IL1RAPL1: variants seen among roughly 807,000 people sequenced by gnomAD.
The protein encoded by IL1RAPL1 is interleukin 1 receptor accessory protein like 1.
IL1RAPL1 carries 3 observed loss-of-function variants against 48.4 expected under a neutral mutation model. That is an observed-to-expected ratio of 0.06 (90% CI 0.03 to 0.16). IL1RAPL1 has a LOEUF of 0.16. IL1RAPL1 is among the 10% of genes least tolerant of loss of function. The probability of loss-of-function intolerance (pLI) is 1.00; values close to 1 mark genes in which losing one functional copy is unlikely to be tolerated. For synonymous variants in IL1RAPL1, 185 were observed against 187.7 expected, an observed-to-expected ratio of 0.99 and a Z score of 0.12; for missense variants, 349 against 530.6, an observed-to-expected ratio of 0.66 and a Z score of 3.36.
At chrX:28,815,566 A>G (rs1453650811) in intron 2 of IL1RAPL1, among the ~76,000 whole-genome samples, 1 of 106,677 alleles carries the variant, frequency 9.4e-6, no homozygotes, top group Non-Finnish European at 1.9e-5. Flanking sequence ...TCTTCTATTT[A>G]TCTGTGTATT....
chrX:28,696,237 A>G (rs1167905309), intron 1 of IL1RAPL1, among the ~76,000 whole-genome samples: 4 of 110,812 alleles, frequency 3.6e-5, no homozygotes, highest in Admixed American at 9.7e-5. Flanking sequence ...ACCCCCAACA[A>G]TATCAAAGTG....
At chrX:29,744,209 C>G (rs1928275812) in intron 6 of IL1RAPL1, among the ~76,000 whole-genome samples, 1 of 112,043 alleles carries the variant, frequency 8.9e-6, no homozygotes, top group Non-Finnish European at 1.9e-5. Context: ...TCTATCGAAA[C>G]TCAGGGTGAT....
At chrX:28,974,004 G>A (rs990807564) in intron 2 of IL1RAPL1, among the ~76,000 whole-genome samples, 4 of 112,024 alleles carry the variant, frequency 3.6e-5, no homozygotes, top group East Asian at 5.6e-4. Context: ...GAGATTATGC[G>A]TTTGTTTTAG....
chrX:29,459,147 G>T (rs982049462), intron 5 of IL1RAPL1, among the ~76,000 whole-genome samples: 1 of 112,132 alleles, frequency 8.9e-6, no homozygotes, highest in Non-Finnish European at 1.9e-5. Context: ...GTATTTCATT[G>T]AAGAGGTAGC....
At chrX:29,232,557 T>C (rs1473593501) in intron 2 of IL1RAPL1, among the ~76,000 whole-genome samples, 1 of 111,989 alleles carries the variant, frequency 8.9e-6, no homozygotes, top group Non-Finnish European at 1.9e-5. Flanking sequence ...ATCAACATCA[T>C]GCTACTTACA....
intron 6 of IL1RAPL1, among the ~76,000 whole-genome samples, chrX:29,784,687 A>T: frequency 9.0e-6 from 1 of 110,944 alleles, no homozygotes; most frequent in Middle Eastern, 4.7e-3. Context: ...TATCTTAAAA[A>T]AAAAAAACAT....
At chrX:29,393,320 C>A (rs1448013280) in intron 3 of IL1RAPL1, among the ~76,000 whole-genome samples, 24 of 111,800 alleles carry the variant, frequency 2.1e-4, no homozygotes, top group Non-Finnish European at 4.0e-4. Flanking sequence ...ACGGGGTTTC[C>A]CCATGTTAGC....
In IL1RAPL1 at chrX:29,415,974, T is replaced by C. The variant is rs182156732; in HGVS notation, c.703+16666T>C. Among the ~76,000 whole-genome samples the C allele has an allele frequency of 8.5e-3, 954 of 112,020 alleles. 16 individuals are homozygous for C. The highest frequency in any genetic ancestry group is 0.029 in the African/African-American group (910 of 30,874). The stretch of plus-strand genomic sequence containing the variant: ...AATAGCAGTATAACCATGCTACTCC[T>C]TCAATATGGGAGTTTTTGTTAACAA... On this transcript the variant is annotated intron_variant, in intron 5 of 10. Coordinates refer to ENST00000378993, the MANE Select transcript of IL1RAPL1 (RefSeq NM_014271.4).
chrX:29,192,025 C>G, intron 2 of IL1RAPL1, among the ~76,000 whole-genome samples: 1 of 111,805 alleles, frequency 8.9e-6, no homozygotes, highest in East Asian at 2.8e-4. Flanking sequence ...CCCCAGCTAG[C>G]CAGTCTACTC....
At chrX:28,865,837 G>T (rs936947706) in intron 2 of IL1RAPL1, among the ~76,000 whole-genome samples, 1 of 112,061 alleles carries the variant, frequency 8.9e-6, no homozygotes, top group Admixed American at 9.5e-5. Context: ...ATTGGCAAAA[G>T]CTGTATAGAA....
chrX:29,590,639 G>A (rs1176725006), intron 5 of IL1RAPL1, among the ~76,000 whole-genome samples: 1 of 111,711 alleles, frequency 9.0e-6, no homozygotes, highest in Non-Finnish European at 1.9e-5. Context: ...CCTTGACTCT[G>A]CAGAGGGCTT....
chrX:28,758,025 G>A (rs1936124559), intron 1 of IL1RAPL1, among the ~76,000 whole-genome samples: 1 of 112,192 alleles, frequency 8.9e-6, no homozygotes, highest in South Asian at 3.7e-4. Flanking sequence ...TCTAGACTAA[G>A]TGGGATGACT....
intron 2 of IL1RAPL1, among the ~76,000 whole-genome samples, chrX:28,914,019 T>C: frequency 8.9e-6 from 1 of 111,795 alleles, no homozygotes; most frequent in Middle Eastern, 4.6e-3. Context: ...ACCTTGTGTT[T>C]TTATACCCAG....
intron 2 of IL1RAPL1, among the ~76,000 whole-genome samples, chrX:29,228,904 C>G (rs1218104968): frequency 9.0e-6 from 1 of 111,148 alleles, no homozygotes; most frequent in Non-Finnish European, 1.9e-5. Flanking sequence ...CTTTCCTGCT[C>G]TGCTCCAAGG....
chrX:29,563,079 A>G (rs1922292460), intron 5 of IL1RAPL1, among the ~76,000 whole-genome samples: 1 of 112,000 alleles, frequency 8.9e-6, no homozygotes, highest in Non-Finnish European at 1.9e-5. Context: ...AAATTTAAGG[A>G]TCATGACATC....
At chrX:29,219,451 G>T (rs1343076213) in intron 2 of IL1RAPL1, among the ~76,000 whole-genome samples, 2 of 110,721 alleles carry the variant, frequency 1.8e-5, no homozygotes, top group Non-Finnish European at 3.8e-5. Context: ...AGAAGGAGAA[G>T]GAGAAGGATA....
chrX:29,924,130 A>G (rs375562816), intron 8 of IL1RAPL1, among the ~76,000 whole-genome samples: 2 of 112,070 alleles, frequency 1.8e-5, no homozygotes, highest in African/African-American at 3.2e-5. Flanking sequence ...TGAGGATTCA[A>G]TGAACTCGTA....
At chrX:28,654,917 A>G (rs895846293) in intron 1 of IL1RAPL1, among the ~76,000 whole-genome samples, 11 of 111,490 alleles carry the variant, frequency 9.9e-5, no homozygotes, top group African/African-American at 3.6e-4. Context: ...AGGGAGAAAT[A>G]TTTTTCAAAA....
chrX:29,607,984 G>A (rs1040561189), intron 5 of IL1RAPL1, among the ~76,000 whole-genome samples: 6 of 112,174 alleles, frequency 5.3e-5, no homozygotes, highest in Admixed American at 9.5e-5. Flanking sequence ...CTATTGTCGT[G>A]TGAATATTAT....
Sources: gnomAD v4.1 joint callset for allele counts (sites outside exome capture counted in the v4.1 genomes callset) on GRCh38, gnomAD v4.1.1 for gene constraint, MANE v1.5 for transcripts, NCBI Gene and HGNC (gene_info 2026-07-23, HGNC 2026-07-21) for gene names.